The following GRID2 variants were observed in gnomAD, a reference collection of about 807,000 sequenced individuals.
GRID2 encodes glutamate ionotropic receptor delta type subunit 2, also known as glutamate receptor ionotropic, delta-2.
In GRID2, 33 loss-of-function variants were observed where a neutral mutation model predicts 114.8. The observed-to-expected ratio is 0.29, with a 90% CI of 0.22 to 0.38. The LOEUF (loss-of-function observed/expected upper bound fraction) is 0.38, where lower values mean the gene tolerates loss of function less well. Ranked by LOEUF, GRID2 falls within the 10% of genes least tolerant of loss-of-function variation. GRID2 has a pLI of 1.00. For missense variants in GRID2, 1,184 were observed against 1,257.7 expected (o/e 0.94, Z 0.89); for synonymous variants, 505 against 449.9 (o/e 1.12, Z -1.55).
intron 13 of GRID2, among the ~76,000 whole-genome samples, chr4:93,614,280 C>G (rs1741344694): frequency 6.6e-6 from 1 of 152,234 alleles, no homozygotes. Context: ...TTCTGCGTCG[C>G]TCACGCTGGG....
intron 8 of GRID2, among the ~76,000 whole-genome samples, chr4:93,333,508 T>C (rs1260842407): frequency 6.6e-6 from 1 of 152,224 alleles, no homozygotes; most frequent in African/African-American, 2.4e-5. Flanking sequence ...AAAACCTTTT[T>C]CTTGTCTTCC....
intron 4 of GRID2, among the ~76,000 whole-genome samples, chr4:93,132,846 C>T (rs1017317484): frequency 6.6e-6 from 1 of 152,118 alleles, no homozygotes; most frequent in Admixed American, 6.5e-5. Context: ...GCTGTGAAAG[C>T]GCTCAACTGG....
intron 12 of GRID2, among the ~76,000 whole-genome samples, chr4:93,495,603 C>T (rs996531590): frequency 2.0e-5 from 3 of 151,686 alleles, no homozygotes; most frequent in Non-Finnish European, 2.9e-5. Context: ...ACAACTTTAT[C>T]TCTGGAGAGG....
intron 2 of GRID2, among the ~76,000 whole-genome samples, chr4:92,683,126 T>C (rs1414792935): frequency 5.3e-5 from 8 of 151,886 alleles, no homozygotes; most frequent in Non-Finnish European, 8.8e-5. Flanking sequence ...GGTGAAACCT[T>C]GCCTCTACTA....
chr4:93,720,894 G>A (rs938553214), intron 14 of GRID2, among the ~76,000 whole-genome samples: 9 of 152,032 alleles, frequency 5.9e-5, no homozygotes, highest in Non-Finnish European at 8.8e-5. Context: ...CAACATATTC[G>A]TTGTTGTTGT....
intron 2 of GRID2, among the ~76,000 whole-genome samples, chr4:92,684,502 A>C (rs1733807012): frequency 6.6e-6 from 1 of 151,960 alleles, no homozygotes; most frequent in Non-Finnish European, 1.5e-5. Flanking sequence ...TGTCTTTCCT[A>C]ACAAGAACAT....
intron 2 of GRID2, among the ~76,000 whole-genome samples, chr4:92,717,433 C>T (rs1162369150): frequency 6.6e-6 from 1 of 152,124 alleles, no homozygotes; most frequent in Admixed American, 6.6e-5. Context: ...TAGAGTACAA[C>T]AGGCTGACAG....
intron 5 of GRID2, among the ~76,000 whole-genome samples, chr4:93,214,016 T>C (rs1034038503): frequency 1.3e-5 from 2 of 152,068 alleles, no homozygotes; most frequent in Non-Finnish European, 2.9e-5. Flanking sequence ...TCATTTGTTA[T>C]TGCAATGTTA....
intron 1 of GRID2, among the ~76,000 whole-genome samples, chr4:92,320,233 A>C (rs1037171557): frequency 6.6e-6 from 1 of 152,194 alleles, no homozygotes; most frequent in Non-Finnish European, 1.5e-5. Context: ...TATTTTTCAT[A>C]GTGGTCAATT....
At chr4:93,059,632 C>T (rs1325543745) in intron 2 of GRID2, among the ~76,000 whole-genome samples, 3 of 152,046 alleles carry the variant, frequency 2.0e-5, no homozygotes, top group Non-Finnish European at 4.4e-5. Context: ...AATATGTTAA[C>T]AGTACTATGT....
chr4:92,501,449 G>A (rs547964494), intron 1 of GRID2, among the ~76,000 whole-genome samples: 10 of 152,290 alleles, frequency 6.6e-5, no homozygotes, highest in Admixed American at 4.6e-4. Flanking sequence ...GTTGGCACAG[G>A]AGGAATGAAG....
intron 2 of GRID2, among the ~76,000 whole-genome samples, chr4:92,877,822 C>A (rs1745743165): frequency 6.6e-6 from 1 of 152,102 alleles, no homozygotes. Flanking sequence ...TGGAGAATGA[C>A]TTAAGATTTC....
chr4:92,645,986 A>G (rs1050208563), intron 2 of GRID2, among the ~76,000 whole-genome samples: 5 of 151,798 alleles, frequency 3.3e-5, no homozygotes, highest in Non-Finnish European at 5.9e-5. Context: ...TCCTAGGAGT[A>G]GAATTGGTGG....
At chr4:93,801,236 C>T (rs1474610108) in intron 1 of GRID2, among the ~76,000 whole-genome samples, 2 of 151,968 alleles carry the variant, frequency 1.3e-5, no homozygotes, top group East Asian at 1.9e-4. Flanking sequence ...AGTTAAGTTT[C>T]CCTTTTCAGT....
rs35173293 is a variant in GRID2 at position 92,844,705 on chromosome 4, CAAAAAAA to C, written c.245-240281_245-240275del. On this transcript the variant is annotated intron_variant, in intron 2 of 15. Coordinates refer to ENST00000282020, the MANE Select transcript of GRID2 (RefSeq NM_001510.4). ...TGTGCAACAGAGCAAGACTCTGTCT[CAAAAAAA>C]AAAAAAAAGAAAGAAAAAAAAAAGA... Among the ~76,000 whole-genome samples, 877 of 92,952 alleles carry C rather than the reference CAAAAAAA, an allele frequency of 9.4e-3. 16 individuals are homozygous for C. The highest frequency in any genetic ancestry group is 0.037 in the African/African-American group (832 of 22,542). 61.0% of individuals were successfully genotyped at this position (92,952 alleles called of 152,430 possible).
At chr4:93,035,266 C>T (rs891954328) in intron 2 of GRID2, among the ~76,000 whole-genome samples, 3 of 152,010 alleles carry the variant, frequency 2.0e-5, no homozygotes, top group Non-Finnish European at 4.4e-5. Flanking sequence ...CTACCACGAG[C>T]ATGCCTGGCT....
At chr4:93,346,393 C>T (rs1760239228) in intron 8 of GRID2, among the ~76,000 whole-genome samples, 1 of 152,134 alleles carries the variant, frequency 6.6e-6, no homozygotes. Flanking sequence ...TTCCTGCTCC[C>T]TCTTCAGCAC....
intron 8 of GRID2, among the ~76,000 whole-genome samples, chr4:93,376,027 G>A (rs1048503271): frequency 2.0e-5 from 3 of 152,042 alleles, no homozygotes; most frequent in East Asian, 1.9e-4. Context: ...CTTTGCACCC[G>A]ATGGCTCTCT....
At chr4:92,900,085 A>T (rs1334476472) in intron 2 of GRID2, among the ~76,000 whole-genome samples, 1 of 152,180 alleles carries the variant, frequency 6.6e-6, no homozygotes, top group Non-Finnish European at 1.5e-5. Flanking sequence ...AGGTGAGGTT[A>T]GAGAAAGATG....
Sources: allele counts gnomAD v4.1 joint callset (sites outside exome capture counted in the v4.1 genomes callset), GRCh38; gene constraint gnomAD v4.1.1; transcripts MANE v1.5; gene names NCBI Gene and HGNC (gene_info 2026-07-23, HGNC 2026-07-21).